FOCAD: variants seen among roughly 807,000 people sequenced by gnomAD.
FOCAD encodes the protein focadhesin.
In FOCAD, 198 loss-of-function variants were observed where a neutral mutation model predicts 225.6. That is an observed-to-expected ratio of 0.88 (90% CI 0.78 to 0.99). FOCAD has a LOEUF of 0.99. FOCAD is among the 50% of genes least tolerant of loss of function. FOCAD has a pLI of 0.00. For synonymous variants in FOCAD, 897 were observed against 755.0 expected, an observed-to-expected ratio of 1.19 and a Z score of -3.08; for missense variants, 2,713 against 2,123.6, an observed-to-expected ratio of 1.28 and a Z score of -5.46.
intron 11 of FOCAD, among the ~76,000 whole-genome samples, chr9:20,799,836 A>T (rs1001111324): frequency 6.6e-6 from 1 of 152,124 alleles, no homozygotes; most frequent in African/African-American, 2.4e-5. Flanking sequence ...TGGAGCATTT[A>T]GCCCATTTAC....
intron 1 of FOCAD, among the ~76,000 whole-genome samples, chr9:20,693,301 C>G (rs570225528): frequency 2.6e-5 from 4 of 152,358 alleles, no homozygotes; most frequent in East Asian, 1.9e-4. Flanking sequence ...CGAAACTGCT[C>G]TTTTACTCCC....
intron 7 of FOCAD, among the ~76,000 whole-genome samples, chr9:20,766,914 C>T (rs948649893): frequency 1.3e-5 from 2 of 151,878 alleles, no homozygotes; most frequent in Admixed American, 1.3e-4. Flanking sequence ...CATGCTGGTG[C>T]ACTGCACCCA....
chr9:20,856,957 T>G (rs1184063825), intron 15 of FOCAD, among the ~76,000 whole-genome samples: 2 of 149,724 alleles, frequency 1.3e-5, no homozygotes, highest in East Asian at 3.9e-4. Flanking sequence ...GTGTCTGTTT[T>G]TATGCCAATA....
intron 24 of FOCAD, 24 bp downstream of exon 24, chr9:20,916,961 C>G (rs762414541): frequency 1.6e-5 from 26 of 1,576,204 alleles, no homozygotes; most frequent in Non-Finnish European, 2.0e-5. Flanking sequence ...AGTCTTTTAT[C>G]AAACATTTTT....
In FOCAD at chr9:20,809,501, C is replaced by T. The variant is rs1049488466; in HGVS notation, c.1456-10295C>T. Among the ~76,000 whole-genome samples the T allele has an allele frequency of 2.6e-5, 4 of 152,166 alleles. No homozygotes were observed. In the East Asian group the frequency reaches 7.7e-4, roughly 29 times the overall value. On this transcript the variant is annotated intron_variant, in intron 11 of 43. Transcript: ENST00000338382. ...AATAGCCAAATGTGGCTAGTGGCTA[C>T]TGTATTGGGCAACCTAGCTCTAGAA...
At chr9:20,772,556 G>A (rs1334647775) in intron 8 of FOCAD, among the ~76,000 whole-genome samples, 2 of 152,176 alleles carry the variant, frequency 1.3e-5, no homozygotes, top group African/African-American at 2.4e-5. Flanking sequence ...GGAGTGGTCA[G>A]CAGTGTCATG....
chr9:20,733,747 A>T (rs2131619532), intron 4 of FOCAD, among the ~76,000 whole-genome samples: 1 of 152,250 alleles, frequency 6.6e-6, no homozygotes, highest in East Asian at 1.9e-4. Context: ...CATGCCTGTA[A>T]TCCTAGCATT....
At chr9:20,711,614 A>G (rs1038120112) in intron 1 of FOCAD, among the ~76,000 whole-genome samples, 19 of 152,198 alleles carry the variant, frequency 1.2e-4, no homozygotes, top group African/African-American at 4.6e-4. Flanking sequence ...AAGGAAGCCG[A>G]TTTTGTGGCT....
At chr9:20,719,778 CTTTTTTT>C (rs34384301) in intron 3 of FOCAD, among the ~76,000 whole-genome samples, 7 of 62,112 alleles carry the variant, frequency 1.1e-4, no homozygotes, top group South Asian at 7.6e-4. Flanking sequence ...TTTTCCTAGG[CTTTTTTT>C]TTTTTTTTTT....
At chr9:20,953,625 C>G (rs1256684804) in intron 35 of FOCAD, among the ~76,000 whole-genome samples, 1 of 152,166 alleles carries the variant, frequency 6.6e-6, no homozygotes, top group Non-Finnish European at 1.5e-5. Context: ...TTGTTTTTAA[C>G]TGGAGCCAGA....
chr9:20,873,453 G>A (rs1029736628), intron 18 of FOCAD, among the ~76,000 whole-genome samples: 3 of 152,184 alleles, frequency 2.0e-5, no homozygotes, highest in Admixed American at 2.0e-4. Context: ...GAGTTTCTCT[G>A]ATATGCAGTG....
chr9:20,760,121 G>T (rs1434001999), intron 6 of FOCAD, among the ~76,000 whole-genome samples: 1 of 152,090 alleles, frequency 6.6e-6, no homozygotes, highest in Non-Finnish European at 1.5e-5. Context: ...GTCAAATCCA[G>T]TCTCTAAACA....
intron 11 of FOCAD, among the ~76,000 whole-genome samples, chr9:20,794,587 G>C (rs1408336128): frequency 6.6e-6 from 1 of 152,068 alleles, no homozygotes; most frequent in Non-Finnish European, 1.5e-5. Flanking sequence ...CAGATTGTTA[G>C]GACCGTCTGA....
In FOCAD at chr9:20,688,568, A is replaced by G. The variant is rs375830192; in HGVS notation, c.-33+4275A>G. On this transcript the variant is annotated intron_variant, in intron 1 of 43. Coordinates refer to ENST00000338382, the MANE Select transcript of FOCAD (RefSeq NM_001375567.1). ...GGCTGGAGATAGAGATTAGGATGCT[A>G]TCAATTTATAGGTAGTTAAAACAAT... Among the ~76,000 whole-genome samples the G allele has an allele frequency of 4.6e-5, 7 of 152,342 alleles. No individual in the cohort carries two copies. The East Asian group carries it at 9.6e-4, about 21-fold the overall frequency.
intron 15 of FOCAD, among the ~76,000 whole-genome samples, chr9:20,828,194 T>C (rs1435110642): frequency 6.6e-6 from 1 of 151,852 alleles, no homozygotes; most frequent in Non-Finnish European, 1.5e-5. Context: ...ATTTTAAGTA[T>C]TCTTGTCACA....
Position 20,867,075 on chromosome 9 carries a change from C to G in FOCAD, c.2190+63C>G, listed in dbSNP as rs974318237. Reference sequence around the variant, plus strand: ...TGCTAGGGTTTACAACTTTTTCTCTCTCATCTTAGGAGATACTTACCTGAT... The same window carrying G: ...TGCTAGGGTTTACAACTTTTTCTCTGTCATCTTAGGAGATACTTACCTGAT... On this transcript the variant is annotated intron_variant, in intron 18 of 43. Transcript: ENST00000338382. The G allele has an allele frequency of 8.2e-6, 9 of 1,098,998 alleles. No individual in the cohort carries two copies. In the African/African-American group the frequency reaches 1.4e-4, roughly 17 times the overall value. 68.1% of individuals were successfully genotyped at this position (1,098,998 alleles called of 1,614,324 possible). A position where few individuals can be genotyped will look rare whatever the true frequency, so the allele number is the denominator to read the frequency against.
At chr9:20,784,930 CTT>C (rs757018310) in intron 10 of FOCAD, among the ~76,000 whole-genome samples, 2 of 124,924 alleles carry the variant, frequency 1.6e-5, no homozygotes, top group Admixed American at 8.1e-5. Context: ...TTCTTTCTTT[CTT>C]TTTTTTTTTA....
Position 20,740,246 on chromosome 9 carries a change from G to A in FOCAD, c.298G>A (p.Gly100Ser), listed in dbSNP as rs751204093. Residue 100 changes from glycine (G) to serine (S), a missense_variant, in exon 5 of 44, where the codon GGC (glycine) becomes AGC (serine). Transcript: ENST00000338382. ...NLIPSTRNTH[G>S]LIKAIMHLLQ... is the part of the protein sequence containing the mutation. ...TATATTTCTTTGCAGAAATACACAT[G>A]GCTTGATAAAAGCCATTATGCACTT... 1 of 1,600,786 alleles carries A rather than the reference G, an allele frequency of 6.2e-7. No homozygotes were observed. Among genetic ancestry groups the A allele is most frequent in the Non-Finnish European group, 8.5e-7 (1 of 1,172,036 alleles).
chr9:20,732,278 C>G (rs557413681), intron 4 of FOCAD, among the ~76,000 whole-genome samples: 3 of 152,202 alleles, frequency 2.0e-5, no homozygotes, highest in Admixed American at 6.5e-5. Flanking sequence ...TTTAAGATGA[C>G]GATTTGACTT....
Sources: gnomAD v4.1 joint callset for allele counts (sites outside exome capture counted in the v4.1 genomes callset) on GRCh38, gnomAD v4.1.1 for gene constraint, MANE v1.5 for transcripts, NCBI Gene and HGNC (gene_info 2026-07-23, HGNC 2026-07-21) for gene names.